Variants in OTOGL observed in about 807,000 individuals in gnomAD.
The protein encoded by OTOGL is otogelin like.
In OTOGL, 285 loss-of-function variants were observed where a neutral mutation model predicts 318.5. The observed-to-expected ratio is 0.89, with a 90% CI of 0.81 to 0.99. The LOEUF (loss-of-function observed/expected upper bound fraction) is 0.99, where lower values mean the gene tolerates loss of function less well. OTOGL is among the 50% of genes least tolerant of loss of function. The pLI is 0.00. For synonymous variants in OTOGL, 987 were observed against 936.5 expected (o/e 1.05, Z -0.99); for missense variants, 2,899 against 2,845.6 (o/e 1.02, Z -0.43).
intron 1 of OTOGL, among the ~76,000 whole-genome samples, chr12:80,205,648 A>G (rs1041808178): frequency 4.6e-5 from 7 of 152,226 alleles, no homozygotes; most frequent in Non-Finnish European, 1.0e-4. Flanking sequence ...TTGCTGGCTC[A>G]AATGATAACA....
intron 50 of OTOGL, 33 bp from the exon 51 acceptor site, chr12:80,358,638 A>T (rs1390409152): frequency 2.0e-6 from 3 of 1,507,032 alleles, no homozygotes; most frequent in East Asian, 4.5e-5. Context: ...ACTCTATAAA[A>T]TTCATCTTTA....
intron 27 of OTOGL, among the ~76,000 whole-genome samples, chr12:80,300,339 C>T (rs956500724): frequency 1.3e-5 from 2 of 151,784 alleles, no homozygotes; most frequent in Non-Finnish European, 2.9e-5. Context: ...GGTATGCTTG[C>T]CTAAGTCCAA....
intron 1 of OTOGL, among the ~76,000 whole-genome samples, chr12:80,200,959 T>C (rs1305509813): frequency 6.6e-6 from 1 of 152,206 alleles, no homozygotes; most frequent in Admixed American, 6.5e-5. Flanking sequence ...AAAAGGATAA[T>C]GTTTAAATTT....
intron 1 of OTOGL, among the ~76,000 whole-genome samples, chr12:80,178,076 T>G (rs910784104): frequency 2.8e-5 from 4 of 142,096 alleles, no homozygotes; most frequent in African/African-American, 1.0e-4. Context: ...TTTTTTTTTT[T>G]TTTTTTGAGA....
Position 80,190,786 on chromosome 12 carries a change from C to CAAA in OTOGL, c.-19-18599_-19-18597dup, listed in dbSNP as rs55950528. Among the ~76,000 whole-genome samples, 99 of 73,648 alleles carry CAAA rather than the reference C, an allele frequency of 1.3e-3. 2 individuals carry two copies. Among genetic ancestry groups the CAAA allele is most frequent in the African/African-American group, 2.8e-3 (36 of 12,750 alleles). 48.3% of individuals were successfully genotyped at this position (73,648 alleles called of 152,430 possible). A position where few individuals can be genotyped will look rare whatever the true frequency, so the allele number is the denominator to read the frequency against. Reference sequence around the variant, plus strand: ...TGGGCGAAAGAGTGAGACTCCGTCTCAAAAAAAAAAAAAAAAAAAAAAAAA... The same window carrying CAAA: ...TGGGCGAAAGAGTGAGACTCCGTCTCAAAAAAAAAAAAAAAAAAAAAAAAAAAA... On this transcript the variant is annotated intron_variant, in intron 1 of 58. Transcript: ENST00000547103.
intron 23 of OTOGL, among the ~76,000 whole-genome samples, 199 bp downstream of exon 23, chr12:80,270,353 A>G (rs1490679608): frequency 1.3e-5 from 2 of 152,118 alleles, no homozygotes; most frequent in East Asian, 3.9e-4. Flanking sequence ...TCTGGGTTGA[A>G]CATATAAGTC....
chr12:80,310,782 A>G, intron 30 of OTOGL, 55 bp downstream of exon 30: 1 of 1,382,310 alleles, frequency 7.2e-7, no homozygotes, highest in Non-Finnish European at 1.0e-6. Flanking sequence ...CTGTGTCTAT[A>G]ATACTGAGGT....
At chr12:80,361,342 C>T (rs1890228074) in intron 52 of OTOGL, among the ~76,000 whole-genome samples, 1 of 152,038 alleles carries the variant, frequency 6.6e-6, no homozygotes, top group Non-Finnish European at 1.5e-5. Context: ...TATGGTATTG[C>T]ATTGTGTATA....
chr12:80,144,088 G>A (rs1484800610), intron 1 of OTOGL, among the ~76,000 whole-genome samples: 1 of 151,082 alleles, frequency 6.6e-6, no homozygotes, highest in Non-Finnish European at 1.5e-5. Flanking sequence ...TAAGTTTTAG[G>A]GTACTTGTGC....
At chr12:80,305,894 A>G (rs1197360428) in intron 29 of OTOGL, among the ~76,000 whole-genome samples, 199 bp downstream of exon 29, 3 of 152,172 alleles carry the variant, frequency 2.0e-5, no homozygotes, top group Non-Finnish European at 4.4e-5. Context: ...TCTCCTTAGT[A>G]TAGATGAAGA....
rs1196163751 is a variant in OTOGL, at chr12:80,358,583, T to G, written c.6122-88T>G. The G allele has an allele frequency of 5.7e-6, 6 of 1,059,982 alleles. No individual in the cohort carries two copies. In the Admixed American group the frequency reaches 9.1e-5, roughly 16 times the overall value. The allele number at this position is 1,059,982 out of a possible 1,614,324, so 65.7% of individuals were successfully genotyped here. ...ACTTGGGAAATATGAATCCATGCATTATTGTAATGGCAGTGAACTAAATGG... is the reference window on the plus strand; with the variant it reads ...ACTTGGGAAATATGAATCCATGCATGATTGTAATGGCAGTGAACTAAATGG... On this transcript the variant is annotated intron_variant, in intron 50 of 58. Transcript: ENST00000547103.
At chr12:80,351,338 A>G (rs1417950642) in intron 44 of OTOGL, among the ~76,000 whole-genome samples, 1 of 150,596 alleles carries the variant, frequency 6.6e-6, no homozygotes, top group Admixed American at 6.6e-5. Context: ...TGTGTTTGAG[A>G]TACAGTCTCA....
chr12:80,211,895 G>A lies in OTOGL; in HGVS notation c.120-54G>A, dbSNP rs532781241. On this transcript the variant is annotated intron_variant, in intron 3 of 58. Transcript: ENST00000547103. ...ACCAGCTCTCTCTTGGGAAAGGCTT[G>A]TTCAGGTTGCCTAGGGGCCTTTGAC... 5.9e-5 allele frequency: 83 copies of A among 1,405,244 alleles called. No individual in the cohort carries two copies. In the South Asian group the frequency reaches 1.0e-3, roughly 17 times the overall value. 87.0% of individuals were successfully genotyped at this position (1,405,244 alleles called of 1,614,324 possible). A position where few individuals can be genotyped will look rare whatever the true frequency, so the allele number is the denominator to read the frequency against.
rs1881563763 is a variant in OTOGL at position 80,251,707 on chromosome 12, A to T, written c.1067A>T (p.Glu356Val). The T allele has an allele frequency of 6.3e-7, 1 of 1,588,254 alleles. No homozygotes were observed. The highest frequency in any genetic ancestry group is 1.3e-5 in the African/African-American group (1 of 74,560). ...TCACTTTCTAGAACTGATGATGATGAAACCTATTGCCGAGCAGCCACTGAG... is the reference window on the plus strand; with the variant it reads ...TCACTTTCTAGAACTGATGATGATGTAACCTATTGCCGAGCAGCCACTGAG... ...VNDLCKTDDD[E>V]TYCRAATEYA... is the part of the protein sequence containing the mutation. The change falls in exon 12 of 59, where the codon GAA becomes GTA. Residue 356 changes from glutamate to valine, a missense_variant. Coordinates refer to ENST00000547103, the MANE Select transcript of OTOGL (RefSeq NM_001378609.3).
intron 1 of OTOGL, among the ~76,000 whole-genome samples, chr12:80,136,305 T>C (rs1871566326): frequency 6.6e-6 from 1 of 152,198 alleles, no homozygotes; most frequent in Non-Finnish European, 1.5e-5. Context: ...ATGTTTCAAT[T>C]CTTAGTCCTC....
chr12:80,323,582 G>T, intron 34 of OTOGL, 141 bp from the exon 35 acceptor site: 1 of 632,218 alleles, frequency 1.6e-6, no homozygotes. Context: ...CCAGGAGGCA[G>T]AGGTTGTGGT....
chr12:80,252,197 A>G lies in OTOGL; in HGVS notation c.1281A>G (p.Pro427=), dbSNP rs1207414403. The change falls in exon 13 of 59, where the codon CCA becomes CCG. Residue 427 remains proline (P), a synonymous_variant. Coordinates refer to ENST00000547103, the MANE Select transcript of OTOGL (RefSeq NM_001378609.3). Reference sequence around the variant, plus strand: ...ATTGTCTTGATGGATGTTACTGCCCAGATGGTAAGTGCTTCATGAAGAAAC... The same window carrying G: ...ATTGTCTTGATGGATGTTACTGCCCGGATGGTAAGTGCTTCATGAAGAAAC... ...NLHCLDGCYC[P]DGLVMDNGTC... is the part of the protein sequence containing the mutation. 1.3e-6 allele frequency: 2 copies of G among 1,598,410 alleles called. No homozygotes were observed. Among genetic ancestry groups the G allele is most frequent in the Admixed American group, 1.7e-5 (1 of 58,086 alleles).
intron 32 of OTOGL, among the ~76,000 whole-genome samples, chr12:80,318,256 T>A (rs915542741): frequency 6.6e-6 from 1 of 152,082 alleles, no homozygotes; most frequent in Non-Finnish European, 1.5e-5. Flanking sequence ...GAGGTAAAAC[T>A]GGGAGAAGAG....
chr12:80,195,926 A>C (rs1876032741), intron 1 of OTOGL, among the ~76,000 whole-genome samples: 1 of 152,248 alleles, frequency 6.6e-6, no homozygotes, highest in African/African-American at 2.4e-5. Flanking sequence ...CATAACAAAA[A>C]AGGGGATTTT....
Sources: gnomAD v4.1 joint callset for allele counts (sites outside exome capture counted in the v4.1 genomes callset) on GRCh38, gnomAD v4.1.1 for gene constraint, MANE v1.5 for transcripts, NCBI Gene and HGNC (gene_info 2026-07-23, HGNC 2026-07-21) for gene names.